The following FAM216B variants were observed in gnomAD, a reference collection of about 807,000 sequenced individuals.
The protein encoded by FAM216B is protein FAM216B.
A neutral mutation model predicts 12.9 loss-of-function variants in FAM216B; 11 were observed. The observed-to-expected ratio is 0.86, with a 90% confidence interval of 0.54 to 1.42. The LOEUF (loss-of-function observed/expected upper bound fraction) is 1.42, where lower values mean the gene tolerates loss of function less well. Among genes scored for constraint, FAM216B ranks in the 40% most tolerant of loss-of-function variants. The probability of loss-of-function intolerance (pLI) is 0.00; values close to 1 mark genes in which losing one functional copy is unlikely to be tolerated. For synonymous variants in FAM216B, 52 were observed against 57.2 expected (o/e 0.91, Z 0.41); for missense variants, 167 against 162.9 (o/e 1.02, Z -0.14).
chr13:42,784,900 G>A (rs1874026027), intron 2 of FAM216B, among the ~76,000 whole-genome samples: 1 of 151,646 alleles, frequency 6.6e-6, no homozygotes, highest in South Asian at 2.1e-4. Flanking sequence ...AAACCCTCAA[G>A]GAAGGATCAA....
Position 42,790,517 on chromosome 13 carries a change from G to T in FAM216B, c.*1727G>T, listed in dbSNP as rs1874275240. On this transcript the variant is annotated 3_prime_UTR_variant, in exon 4 of 4. Transcript: ENST00000313851. ...CACAGGTCCATAAGAAGGACAAATA[G>T]ATCTAAGTTGGGCAAAAGATTCTAT... 6.6e-6 allele frequency: 1 copy of T among 152,084 alleles called. No homozygotes were observed. The highest frequency in any genetic ancestry group is 2.4e-5 in the African/African-American group (1 of 41,410). The allele number at this position is 152,084 out of a possible 1,614,324, so 9.4% of individuals were successfully genotyped here. A position where few individuals can be genotyped will look rare whatever the true frequency, so the allele number is the denominator to read the frequency against.
chr13:42,786,656 T>C, intron 2 of FAM216B, 107 bp from the exon 3 acceptor site: 2 of 1,354,222 alleles, frequency 1.5e-6, no homozygotes, highest in Non-Finnish European at 2.0e-6. Flanking sequence ...AAACATATGG[T>C]TAGCAAGAAA....
chr13:42,786,968 A>G (rs1874117087), intron 3 of FAM216B, 85 bp downstream of exon 3: 5 of 1,572,740 alleles, frequency 3.2e-6, no homozygotes. Flanking sequence ...TAAATAATTC[A>G]AGCACAATGG....
chr13:42,784,740 A>G (rs1874013854), intron 2 of FAM216B, among the ~76,000 whole-genome samples: 1 of 150,530 alleles, frequency 6.6e-6, no homozygotes, highest in Non-Finnish European at 1.5e-5. Flanking sequence ...AGGCTGAGGC[A>G]GGAGAATGGC....
Position 42,786,752 on chromosome 13 carries a change from T to C in FAM216B, c.100-11T>C. Reference sequence around the variant, plus strand: ...ACACACTCATCAAAATCACCTGTTCTGTTCCAACAGGCCCTCAACCAAGGG... The same window carrying C: ...ACACACTCATCAAAATCACCTGTTCCGTTCCAACAGGCCCTCAACCAAGGG... On this transcript the variant is annotated splice_polypyrimidine_tract_variant and intron_variant, in intron 2 of 3. Transcript: ENST00000313851. 6.2e-7 allele frequency: 1 copy of C among 1,613,884 alleles called. No individual in the cohort carries two copies. Among genetic ancestry groups the C allele is most frequent in the Non-Finnish European group, 8.5e-7 (1 of 1,179,832 alleles).
chr13:42,789,864 A>G lies in FAM216B; in HGVS notation c.*1074A>G. 6.6e-6 allele frequency: 1 copy of G among 152,212 alleles called. No homozygotes were observed. Among genetic ancestry groups the G allele is most frequent in the East Asian group, 1.9e-4 (1 of 5,206 alleles). The allele number at this position is 152,212 out of a possible 1,614,324, so 9.4% of individuals were successfully genotyped here. A position where few individuals can be genotyped will look rare whatever the true frequency, so the allele number is the denominator to read the frequency against. On this transcript the variant is annotated 3_prime_UTR_variant, in exon 4 of 4. Coordinates refer to ENST00000313851, the MANE Select transcript of FAM216B (RefSeq NM_001318932.2). ...AATATGCTGCATTATTATCAGAAAA[A>G]AAATCATTATCTTCTCTTTGCAATC...
chr13:42,787,537 C>A (rs962141693), intron 3 of FAM216B, among the ~76,000 whole-genome samples: 4 of 152,164 alleles, frequency 2.6e-5, no homozygotes, highest in African/African-American at 9.7e-5. Context: ...TTGTGAAAGA[C>A]CTTCACAAAT....
chr13:42,782,378 A>C (rs1184423638), intron 1 of FAM216B, among the ~76,000 whole-genome samples: 1 of 152,218 alleles, frequency 6.6e-6, no homozygotes, highest in Non-Finnish European at 1.5e-5. Context: ...TAGGCATTGT[A>C]ACTGCTGTCT....
chr13:42,785,104 A>G (rs916897933), intron 2 of FAM216B, among the ~76,000 whole-genome samples: 1 of 152,190 alleles, frequency 6.6e-6, no homozygotes, highest in African/African-American at 2.4e-5. Context: ...TTTTCATATT[A>G]TCTTGTTCTC....
At chr13:42,784,584 G>T (rs1399116819) in intron 2 of FAM216B, among the ~76,000 whole-genome samples, 1 of 149,890 alleles carries the variant, frequency 6.7e-6, no homozygotes, top group East Asian at 2.0e-4. Flanking sequence ...TTGGGAGGCC[G>T]AGGCGGGTGG....
chr13:42,787,062 T>C (rs571304613), intron 3 of FAM216B, among the ~76,000 whole-genome samples, 179 bp downstream of exon 3: 1 of 152,200 alleles, frequency 6.6e-6, no homozygotes, highest in Non-Finnish European at 1.5e-5. Flanking sequence ...AGCAAGGTTT[T>C]ATGGGTAAAT....
chr13:42,787,694 A>G (rs1416764661), intron 3 of FAM216B, among the ~76,000 whole-genome samples: 2 of 152,238 alleles, frequency 1.3e-5, no homozygotes, highest in African/African-American at 4.8e-5. Flanking sequence ...ACTTGGCTTT[A>G]GCACATCTAC....
At chr13:42,784,928 T>C (rs1874026658) in intron 2 of FAM216B, among the ~76,000 whole-genome samples, 1 of 152,134 alleles carries the variant, frequency 6.6e-6, no homozygotes, top group Admixed American at 6.5e-5. Flanking sequence ...GTAAAAATAT[T>C]AGTAATGTTA....
chr13:42,785,513 A>G (rs1271841207), intron 2 of FAM216B, among the ~76,000 whole-genome samples: 3 of 152,172 alleles, frequency 2.0e-5, no homozygotes, highest in East Asian at 3.8e-4. Context: ...TGATGCCACT[A>G]TTGTTTCCCT....
chr13:42,788,906 C>A lies in FAM216B; in HGVS notation c.*116C>A. On this transcript the variant is annotated 3_prime_UTR_variant, in exon 4 of 4. Transcript: ENST00000313851. ...ATAATTTCTAATATAAACCCCAGAC[C>A]TAAAAATAATCTCTGATTCATATAA... The A allele has an allele frequency of 9.6e-7, 1 of 1,045,430 alleles. No individual in the cohort carries two copies. Among genetic ancestry groups the A allele is most frequent in the Non-Finnish European group, 1.3e-6 (1 of 754,354 alleles). 64.8% of individuals were successfully genotyped at this position (1,045,430 alleles called of 1,614,324 possible).
At position 42,789,999 on chromosome 13, in the gene FAM216B, T is replaced by C. The variant is rs193064175; in HGVS notation, c.*1209T>C. 1.1e-4 allele frequency: 16 copies of C among 152,280 alleles called. No individual in the cohort carries two copies. The highest frequency in any genetic ancestry group is 1.0e-3 in the Admixed American group (16 of 15,284). 9.4% of individuals were successfully genotyped at this position (152,280 alleles called of 1,614,324 possible). ...TTTTCTTTGGGAGGAATGGGAAGTG[T>C]GGTTGGCCCACTAGTCTGATAAGAA... On this transcript the variant is annotated 3_prime_UTR_variant, in exon 4 of 4. Transcript: ENST00000313851.
intron 1 of FAM216B, 102 bp from the exon 2 acceptor site, chr13:42,783,952 T>G (rs1873955881): frequency 1.5e-6 from 1 of 663,816 alleles, no homozygotes; most frequent in South Asian, 2.4e-5. Context: ...ACAAATTACA[T>G]TTTTAAAAAT....
chr13:42,788,009 A>C (rs1247735177), intron 3 of FAM216B, among the ~76,000 whole-genome samples: 1 of 152,220 alleles, frequency 6.6e-6, no homozygotes, highest in African/African-American at 2.4e-5. Context: ...GATTGTCTGA[A>C]GTGTCACTAG....
intron 2 of FAM216B, 35 bp downstream of exon 2, chr13:42,784,201 A>G (rs1240066664): frequency 2.5e-6 from 3 of 1,185,458 alleles, no homozygotes; most frequent in Middle Eastern, 2.1e-4. Context: ...TTTCACAGAT[A>G]GAGTGACCTG....
Sources: gnomAD v4.1 joint callset for allele counts (sites outside exome capture counted in the v4.1 genomes callset) on GRCh38, gnomAD v4.1.1 for gene constraint, MANE v1.5 for transcripts, NCBI Gene and HGNC (gene_info 2026-07-23, HGNC 2026-07-21) for gene names.